UBLCP1: variants seen among roughly 807,000 people sequenced by gnomAD.
UBLCP1 encodes the protein ubiquitin-like domain-containing CTD phosphatase 1.
In UBLCP1, 28 loss-of-function variants were observed where a neutral mutation model predicts 42.4. That is an observed-to-expected ratio of 0.66 (90% CI 0.49 to 0.90). UBLCP1 has a LOEUF of 0.90. UBLCP1 is among the 40% of genes least tolerant of loss of function. UBLCP1 has a pLI of 0.00. For synonymous variants in UBLCP1, 122 were observed against 120.8 expected (o/e 1.01, Z -0.07); for missense variants, 279 against 374.5 (o/e 0.75, Z 2.10).
intron 2 of UBLCP1, among the ~76,000 whole-genome samples, chr5:159,269,353 G>A (rs889119179): frequency 4.6e-5 from 7 of 152,184 alleles, no homozygotes; most frequent in African/African-American, 1.7e-4. Context: ...AGTCCCGGAT[G>A]AAACTCATTT....
intron 1 of UBLCP1, among the ~76,000 whole-genome samples, chr5:159,266,707 C>T (rs866381968): frequency 9.9e-5 from 15 of 152,202 alleles, no homozygotes; most frequent in African/African-American, 2.2e-4. Context: ...CCAGGGTCCC[C>T]GCGCTGTGTG....
chr5:159,265,157 A>G (rs1753369382), intron 1 of UBLCP1, among the ~76,000 whole-genome samples: 2 of 152,236 alleles, frequency 1.3e-5, no homozygotes, highest in African/African-American at 2.4e-5. Context: ...ATTTGTATTC[A>G]TATATGAGTA....
At chr5:159,282,750 AATG>A (rs1380563183) in intron 9 of UBLCP1, among the ~76,000 whole-genome samples, 1 of 152,156 alleles carries the variant, frequency 6.6e-6, no homozygotes, top group Non-Finnish European at 1.5e-5. Context: ...ATAAATGTAT[AATG>A]ATATCTCAGC....
chr5:159,274,644 A>T, intron 7 of UBLCP1, 22 bp downstream of exon 7: 1 of 1,596,292 alleles, frequency 6.3e-7, no homozygotes, highest in Non-Finnish European at 8.6e-7. Flanking sequence ...AAAGCAATCC[A>T]TTTAAAAATA....
intron 3 of UBLCP1, 112 bp from the exon 4 acceptor site, chr5:159,270,248 G>T: frequency 4.3e-6 from 4 of 938,120 alleles, no homozygotes; most frequent in Non-Finnish European, 6.5e-6. Flanking sequence ...TCCAGTATGG[G>T]CTTAAAAGAC....
At chr5:159,282,685 G>T (rs749968751) in intron 9 of UBLCP1, among the ~76,000 whole-genome samples, 22 of 151,926 alleles carry the variant, frequency 1.4e-4, no homozygotes, top group Non-Finnish European at 2.4e-4. Flanking sequence ...TTTTAACAGA[G>T]AATTTAATGA....
intron 8 of UBLCP1, 82 bp downstream of exon 8, chr5:159,275,328 T>C: frequency 9.7e-7 from 1 of 1,028,288 alleles, no homozygotes; most frequent in Non-Finnish European, 1.5e-6. Context: ...ATGGAGTAAA[T>C]AGTGTAGAGA....
intron 1 of UBLCP1, among the ~76,000 whole-genome samples, chr5:159,264,546 C>T (rs2113307174): frequency 6.6e-6 from 1 of 152,300 alleles, no homozygotes; most frequent in East Asian, 1.9e-4. Flanking sequence ...GGAATTTCCA[C>T]TTGTGGGATA....
chr5:159,269,190 T>C, intron 2 of UBLCP1, 121 bp downstream of exon 2: 1 of 703,456 alleles, frequency 1.4e-6, no homozygotes, highest in Non-Finnish European at 2.0e-6. Context: ...AGTAAGTCTC[T>C]CCCTTTCGAG....
At chr5:159,283,150 A>C in intron 9 of UBLCP1, 62 bp from the exon 10 acceptor site, 2 of 1,511,504 alleles carry the variant, frequency 1.3e-6, no homozygotes, top group Non-Finnish European at 1.8e-6. Flanking sequence ...AAATGATAGT[A>C]TAGATTTGTT....
intron 10 of UBLCP1, 79 bp from the exon 11 acceptor site, chr5:159,284,825 C>T: frequency 1.3e-6 from 2 of 1,487,258 alleles, no homozygotes; most frequent in Admixed American, 3.4e-5. Flanking sequence ...TTAGAACAAA[C>T]TCCTTTGGGA....
chr5:159,273,380 G>A (rs1281618426), intron 6 of UBLCP1, among the ~76,000 whole-genome samples: 2 of 152,148 alleles, frequency 1.3e-5, no homozygotes, highest in Admixed American at 6.5e-5. Flanking sequence ...ATTGAAAAGA[G>A]TACTTCACTT....
chr5:159,283,305 G>A lies in UBLCP1; in HGVS notation c.895G>A (p.Asp299Asn), dbSNP rs1179869326. The change falls in exon 10 of 11, where the codon GAC becomes AAC. Residue 299 changes from aspartate (D) to asparagine (N), a missense_variant. Coordinates refer to ENST00000296786, the MANE Select transcript of UBLCP1 (RefSeq NM_145049.5). ...CCTCAAGGAGATAGCAAAATTAGAT[G>A]ACTTTTTGGATCTAAATCACAAATA... is the stretch of plus-strand genomic sequence containing the variant. The part of the protein sequence containing the change: ...QYLKEIAKLD[D>N]FLDLNHKYWE... The A allele has an allele frequency of 1.3e-6, 2 of 1,599,918 alleles. No individual in the cohort carries two copies. The highest frequency in any genetic ancestry group is 2.3e-5 in the South Asian group (2 of 87,310).
intron 6 of UBLCP1, among the ~76,000 whole-genome samples, chr5:159,273,295 CTT>C (rs1020021452): frequency 4.6e-5 from 7 of 152,138 alleles, no homozygotes; most frequent in African/African-American, 1.2e-4. Context: ...TTAAACTAGA[CTT>C]ATAAAATTTG....
chr5:159,270,491 A>C (rs1172302290), intron 4 of UBLCP1, 37 bp from the exon 5 acceptor site: 1 of 1,605,518 alleles, frequency 6.2e-7, no homozygotes, highest in Admixed American at 1.7e-5. Flanking sequence ...ATGTGAGAAC[A>C]AGTGAATATT....
chr5:159,280,328 G>A (rs1466272207), intron 9 of UBLCP1, among the ~76,000 whole-genome samples: 1 of 152,138 alleles, frequency 6.6e-6, no homozygotes, highest in South Asian at 2.1e-4. Flanking sequence ...TTTCTGACAG[G>A]GTCTTGCTCT....
At position 159,275,252 on chromosome 5, in the gene UBLCP1, A is replaced by G; in HGVS notation, c.684+6A>G. 3.1e-6 allele frequency: 5 copies of G among 1,604,510 alleles called. No individual in the cohort carries two copies. The highest frequency in any genetic ancestry group is 1.1e-5 in the South Asian group (1 of 90,836). On this transcript the variant is annotated splice_donor_region_variant and intron_variant, in intron 8 of 10. Coordinates refer to ENST00000296786, the MANE Select transcript of UBLCP1 (RefSeq NM_145049.5). ...CAAGGAGAGGATTAATAGACGTAAGAAGTCATTTTATTTCTATTTAATGAC... is the reference window on the plus strand; with the variant it reads ...CAAGGAGAGGATTAATAGACGTAAGGAGTCATTTTATTTCTATTTAATGAC...
intron 6 of UBLCP1, 58 bp downstream of exon 6, chr5:159,272,179 G>T: frequency 7.3e-7 from 1 of 1,374,578 alleles, no homozygotes; most frequent in South Asian, 1.2e-5. Context: ...ATATATTATT[G>T]TGCTGTATAA....
rs895978483 is a variant in UBLCP1 at position 159,279,793 on chromosome 5, C to T, written c.801+1439C>T. On this transcript the variant is annotated intron_variant, in intron 9 of 10. Coordinates refer to ENST00000296786, the MANE Select transcript of UBLCP1 (RefSeq NM_145049.5). The stretch of plus-strand genomic sequence containing the variant: ...AAGGTACAAAAATGTATTCTTGAGT[C>T]TTGAGAAGAAATGTGGTTGATGTAA... Among the ~76,000 whole-genome samples the T allele has an allele frequency of 3.9e-5, 6 of 152,138 alleles. No homozygotes were observed. The South Asian group carries it at 1.2e-3, about 32-fold the overall frequency.
Sources: gnomAD v4.1 joint callset for allele counts (sites outside exome capture counted in the v4.1 genomes callset) on GRCh38, gnomAD v4.1.1 for gene constraint, MANE v1.5 for transcripts, NCBI Gene and HGNC (gene_info 2026-07-23, HGNC 2026-07-21) for gene names.